The following MTSS2 variants were observed in gnomAD, a reference collection of about 807,000 sequenced individuals.
MTSS2 encodes the protein protein MTSS 2.
MTSS2 carries 27 observed loss-of-function variants against 67.1 expected under a neutral mutation model. That is an observed-to-expected ratio of 0.40 (90% confidence interval 0.30 to 0.55). The LOEUF (loss-of-function observed/expected upper bound fraction) is 0.55. MTSS2 is among the 20% of genes least tolerant of loss of function. MTSS2 has a pLI of 0.43. For missense variants in MTSS2, 1,171 were observed against 1,067.8 expected (o/e 1.10, Z -1.35); for synonymous variants, 624 against 468.6 (o/e 1.33, Z -4.28).
At chr16:70,665,176 C>T in intron 12 of MTSS2, 80 bp from the exon 13 acceptor site, 1 of 1,470,702 alleles carries the variant, frequency 6.8e-7, no homozygotes, top group Non-Finnish European at 9.0e-7. Context: ...GTGGCTGAGG[C>T]TCAGGGTGTC....
rs752679748 is a variant in MTSS2 at position 70,664,054 on chromosome 16, C to T, written c.1867G>A (p.Ala623Thr). The T allele has an allele frequency of 4.9e-5, 79 of 1,610,320 alleles. No homozygotes were observed. The highest frequency in any genetic ancestry group is 1.7e-4 in the Admixed American group (10 of 59,750). ...EECVFYTDET[A>T]SPLAPDLAKA... Reference sequence around the variant, plus strand: ...GCGAGGTCCGGTGCCAGGGGTGAGGCGGTCTCGTCGGTATAGAAGACGCAC... The same window carrying T: ...GCGAGGTCCGGTGCCAGGGGTGAGGTGGTCTCGTCGGTATAGAAGACGCAC... The change falls in exon 15 of 15, where the codon GCC becomes ACC. Residue 623 changes from alanine (A) to threonine (T), a missense_variant. By Grantham distance (58) the Ala-to-Thr change is moderately conservative (BLOSUM62 0). Around this residue, in one of 2 missense-constraint regions of MTSS2, gnomAD observed 924 missense variants for 756.0 expected, o/e 1.22. Coordinates refer to ENST00000338779, the MANE Select transcript of MTSS2 (RefSeq NM_138383.3).
Position 70,680,782 on chromosome 16 carries a change from G to A in MTSS2, c.205+12C>T, listed in dbSNP as rs553090450. The A allele has an allele frequency of 4.8e-5, 74 of 1,550,710 alleles. 1 individual carries two copies. The highest frequency in any genetic ancestry group is 2.9e-4 in the Admixed American group (15 of 51,056). The stretch of plus-strand genomic sequence containing the variant: ...TGGGGCAACCCCAACCTCCAGCCAC[G>A]CGCCTCCCCACCTCGGGTGTTGGTA... On this transcript the variant is annotated intron_variant, in intron 3 of 14. Coordinates refer to ENST00000338779, the MANE Select transcript of MTSS2 (RefSeq NM_138383.3).
chr16:70,677,818 G>C lies in MTSS2; in HGVS notation c.706C>G (p.His236Asp). The change falls in exon 9 of 15, where the codon CAC becomes GAC. Residue 236 changes from histidine to aspartate, a missense_variant. By Grantham distance (81) the His-to-Asp change is moderately conservative. Around this residue, in one of 2 missense-constraint regions of MTSS2, gnomAD observed 924 missense variants for 756.0 expected, o/e 1.22. Transcript: ENST00000338779. ...TGCTCGCTGGCGGGAGGCAGTTTGT[G>C]GGGTTCTGCTGTCAGCACCACCAAG... ...DDLVVLTAEP[H>D]KLPPASEQVI... 1 of 1,611,508 alleles carries C rather than the reference G, an allele frequency of 6.2e-7. No homozygotes were observed. Among genetic ancestry groups the C allele is most frequent in the Non-Finnish European group, 8.5e-7 (1 of 1,179,316 alleles).
chr16:70,667,037 AGGC>A (rs1255536273), intron 11 of MTSS2, among the ~76,000 whole-genome samples: 2 of 152,190 alleles, frequency 1.3e-5, no homozygotes, highest in African/African-American at 4.8e-5. Flanking sequence ...GCACTTTGGG[AGGC>A]TGATGCATAA....
chr16:70,679,395 CA>C, intron 6 of MTSS2, 72 bp from the exon 7 acceptor site: 4 of 1,584,360 alleles, frequency 2.5e-6, no homozygotes, highest in Non-Finnish European at 3.5e-6. Context: ...GCCGGATGGA[CA>C]GAGCCACTCC....
At chr16:70,665,895 G>A (rs1258024555) in intron 11 of MTSS2, 1 of 200,010 alleles carries the variant, frequency 5.0e-6, no homozygotes, top group Admixed American at 5.5e-5. Flanking sequence ...GGTTGATGGT[G>A]TCACAGTTTT....
intron 6 of MTSS2, 144 bp from the exon 7 acceptor site, chr16:70,679,467 G>A (rs576590091): frequency 7.1e-6 from 9 of 1,259,856 alleles, no homozygotes; most frequent in African/African-American, 5.9e-5. Flanking sequence ...ACCAGGTTTG[G>A]GGGGAAGGGC....
intron 2 of MTSS2, 45 bp from the exon 3 acceptor site, chr16:70,680,912 G>GC (rs1567506648): frequency 2.1e-6 from 3 of 1,445,164 alleles, no homozygotes; most frequent in South Asian, 1.2e-5. Context: ...GTTGGGCGGG[G>GC]GGGGGGCCTC....
In MTSS2 at chr16:70,663,404, G is replaced by A; in HGVS notation, c.*273C>T. 1 of 504,190 alleles carries A rather than the reference G, an allele frequency of 2.0e-6. No homozygotes were observed. Among genetic ancestry groups the A allele is most frequent in the Non-Finnish European group, 3.4e-6 (1 of 296,068 alleles). 31.2% of individuals were successfully genotyped at this position (504,190 alleles called of 1,614,324 possible). ...GGTGCTTATGGGTAGGGAAGAGGCAGGGCCCCAGAGGAGGAAGAGGAGGGA... is the reference window on the plus strand; with the variant it reads ...GGTGCTTATGGGTAGGGAAGAGGCAAGGCCCCAGAGGAGGAAGAGGAGGGA... On this transcript the variant is annotated 3_prime_UTR_variant, in exon 15 of 15. Transcript: ENST00000338779.
At chr16:70,666,174 G>A (rs534790803) in intron 11 of MTSS2, among the ~76,000 whole-genome samples, 2 of 152,298 alleles carry the variant, frequency 1.3e-5, no homozygotes, top group East Asian at 3.9e-4. Flanking sequence ...GTCCCGTAAA[G>A]GAGAGCCTGC....
Position 70,663,961 on chromosome 16 carries a change from C to T in MTSS2, c.1960G>A (p.Gly654Arg), listed in dbSNP as rs766953269. The change falls in exon 15 of 15, where the codon GGG (glycine) becomes AGG (arginine). Residue 654 changes from glycine (G) to arginine (R), a missense_variant. Transcript: ENST00000338779. ...AWGSPSPEAA[G>R]YPGAGAEDEQ... ...TCCTCGGCCCCTGCCCCGGGGTACC[C>T]GGCTGCCTCTGGGGATGGGCTGCCC... 8.4e-5 allele frequency: 131 copies of T among 1,566,974 alleles called. No homozygotes were observed. Among genetic ancestry groups the T allele is most frequent in the Admixed American group, 4.5e-4 (24 of 53,328 alleles).
chr16:70,671,520 G>A (rs982326040), intron 11 of MTSS2, among the ~76,000 whole-genome samples: 1 of 152,086 alleles, frequency 6.6e-6, no homozygotes, highest in African/African-American at 2.4e-5. Flanking sequence ...TAAATAAATG[G>A]GGGAGAAGGG....
chr16:70,679,679 G>C lies in MTSS2; in HGVS notation c.408C>G (p.Ile136Met), dbSNP rs2053234963. 7 of 1,611,266 alleles carry C rather than the reference G, an allele frequency of 4.3e-6. No homozygotes were observed. Among genetic ancestry groups the C allele is most frequent in the East Asian group, 2.2e-5 (1 of 44,824 alleles). The change falls in exon 6 of 15, where the codon ATC becomes ATG. Residue 136 changes from isoleucine to methionine, a missense_variant. This residue lies in a region of MTSS2 where 247 missense variants were observed against 311.8 expected (regional missense o/e 0.79). Coordinates refer to ENST00000338779, the MANE Select transcript of MTSS2 (RefSeq NM_138383.3). ...TCAGCGTGTCCGACGACTTCTTTTT[G>C]ATCTCATGCCGGGCTCGTTTGTACT... ...AKEYKRARHE[I>M]KKKSSDTLKL...
In MTSS2 at chr16:70,661,552, C is replaced by T. The variant is rs1393405604; in HGVS notation, c.*2125G>A. Reference sequence around the variant, plus strand: ...AGAAATTAAACGAACGTAAAGTCCCCCAAACCAAAGTTTGTGATGTGGGAT... The same window carrying T: ...AGAAATTAAACGAACGTAAAGTCCCTCAAACCAAAGTTTGTGATGTGGGAT... On this transcript the variant is annotated 3_prime_UTR_variant, in exon 15 of 15. Coordinates refer to ENST00000338779, the MANE Select transcript of MTSS2 (RefSeq NM_138383.3). The T allele has an allele frequency of 2.8e-6, 1 of 351,010 alleles. No homozygotes were observed. Among genetic ancestry groups the T allele is most frequent in the Non-Finnish European group, 5.6e-6 (1 of 178,294 alleles). 21.7% of individuals were successfully genotyped at this position (351,010 alleles called of 1,614,324 possible). A position where few individuals can be genotyped will look rare whatever the true frequency, so the allele number is the denominator to read the frequency against.
At chr16:70,667,415 A>G (rs748624481) in intron 11 of MTSS2, among the ~76,000 whole-genome samples, 8 of 152,206 alleles carry the variant, frequency 5.3e-5, no homozygotes, top group Non-Finnish European at 1.2e-4. Flanking sequence ...AAAATCCGAA[A>G]AAGATCAATC....
At chr16:70,675,882 GCCCTCTATGGCT>G (rs1266386072) in intron 10 of MTSS2, among the ~76,000 whole-genome samples, 2 of 152,194 alleles carry the variant, frequency 1.3e-5, no homozygotes, top group African/African-American at 4.8e-5. Flanking sequence ...AGGGTGTCCA[GCCCTCTATGGCT>G]CACACCCTCA....
chr16:70,677,937 C>T (rs2142873283), intron 8 of MTSS2, 38 bp from the exon 9 acceptor site: 10 of 1,459,970 alleles, frequency 6.8e-6, no homozygotes, highest in Non-Finnish European at 8.3e-6. Context: ...GGCCCTATCG[C>T]CCACCTGCCC....
chr16:70,678,779 T>G (rs2053203595), intron 7 of MTSS2, among the ~76,000 whole-genome samples: 1 of 150,754 alleles, frequency 6.6e-6, no homozygotes, highest in Non-Finnish European at 1.5e-5. Flanking sequence ...TCCAGGGAGG[T>G]GGGGCAGAAG....
At chr16:70,666,459 C>T (rs1377336232) in intron 11 of MTSS2, among the ~76,000 whole-genome samples, 1 of 152,276 alleles carries the variant, frequency 6.6e-6, no homozygotes, top group Non-Finnish European at 1.5e-5. Context: ...GCATGTGTGA[C>T]CGGCAGGGTT....
Sources: allele counts gnomAD v4.1 joint callset (sites outside exome capture counted in the v4.1 genomes callset), GRCh38; gene constraint gnomAD v4.1.1; regional missense constraint gnomAD v4.1.1; transcripts MANE v1.5; gene names NCBI Gene and HGNC (gene_info 2026-07-23, HGNC 2026-07-21).